CDH18: variants seen among roughly 807,000 people sequenced by gnomAD.
The protein encoded by CDH18 is cadherin 18.
CDH18 carries 31 observed loss-of-function variants against 67.9 expected under a neutral mutation model. That is an observed-to-expected ratio of 0.46 (90% CI 0.34 to 0.62). CDH18 has a LOEUF of 0.62. Among genes scored for constraint, CDH18 ranks in the 20% least tolerant of loss-of-function variants. The pLI is 0.01. For synonymous variants in CDH18, 362 were observed against 347.2 expected (o/e 1.04, Z -0.48); for missense variants, 890 against 975.5 (o/e 0.91, Z 1.17).
intron 2 of CDH18, among the ~76,000 whole-genome samples, chr5:20,185,515 T>C (rs1006209864): frequency 6.6e-6 from 1 of 152,088 alleles, no homozygotes; most frequent in African/African-American, 2.4e-5. Flanking sequence ...GTTCTTTGAC[T>C]TTATCTTATA....
At chr5:20,185,582 A>C (rs1738032845) in intron 2 of CDH18, among the ~76,000 whole-genome samples, 1 of 151,986 alleles carries the variant, frequency 6.6e-6, no homozygotes, top group Admixed American at 6.6e-5. Context: ...CACATAGCCA[A>C]ATTCTTCTCT....
At chr5:19,843,994 C>T (rs1782638177) in intron 2 of CDH18, among the ~76,000 whole-genome samples, 1 of 152,182 alleles carries the variant, frequency 6.6e-6, no homozygotes, top group Non-Finnish European at 1.5e-5. Context: ...TATCCAATGA[C>T]TCTATCCCCA....
intron 2 of CDH18, among the ~76,000 whole-genome samples, chr5:19,972,224 G>A (rs923622483): frequency 2.0e-5 from 3 of 151,940 alleles, no homozygotes; most frequent in South Asian, 2.1e-4. Flanking sequence ...CTCACAAGTT[G>A]CAAAGCAAAA....
chr5:20,350,147 A>G (rs1741045438), intron 1 of CDH18, among the ~76,000 whole-genome samples: 1 of 152,114 alleles, frequency 6.6e-6, no homozygotes, highest in African/African-American at 2.4e-5. Flanking sequence ...ATTTATTCTA[A>G]TATTTATTCT....
intron 6 of CDH18, among the ~76,000 whole-genome samples, chr5:19,605,384 T>C (rs924744530): frequency 1.3e-5 from 2 of 151,924 alleles, no homozygotes; most frequent in Non-Finnish European, 2.9e-5. Context: ...GATAAAAATA[T>C]TGTGTTTCTA....
chr5:19,864,575 A>G (rs1210048383), intron 2 of CDH18, among the ~76,000 whole-genome samples: 1 of 152,140 alleles, frequency 6.6e-6, no homozygotes, highest in Admixed American at 6.6e-5. Context: ...AACACTCATA[A>G]GACTTTTCAC....
chr5:19,779,577 G>T (rs1010514586), intron 3 of CDH18, among the ~76,000 whole-genome samples: 5 of 152,072 alleles, frequency 3.3e-5, no homozygotes, highest in African/African-American at 1.2e-4. Context: ...CCAGCCAAGA[G>T]GGAGAAAAAG....
At chr5:19,883,163 A>G (rs930851161) in intron 2 of CDH18, among the ~76,000 whole-genome samples, 1 of 152,130 alleles carries the variant, frequency 6.6e-6, no homozygotes, top group African/African-American at 2.4e-5. Context: ...ATCTGTGGGC[A>G]TTGGCTGAAA....
intron 3 of CDH18, among the ~76,000 whole-genome samples, chr5:19,809,766 GT>G (rs1266797930): frequency 6.6e-6 from 1 of 152,132 alleles, no homozygotes; most frequent in Non-Finnish European, 1.5e-5. Context: ...GTTGACAGCA[GT>G]TAAAAAGATA....
intron 2 of CDH18, among the ~76,000 whole-genome samples, chr5:20,109,432 C>A (rs1463297906): frequency 3.3e-5 from 5 of 152,180 alleles, no homozygotes; most frequent in Non-Finnish European, 7.3e-5. Flanking sequence ...TAAAAATGAT[C>A]TGAGTTGATA....
At chr5:19,867,486 T>G (rs927917940) in intron 2 of CDH18, among the ~76,000 whole-genome samples, 2 of 152,316 alleles carry the variant, frequency 1.3e-5, no homozygotes, top group Admixed American at 1.3e-4. Flanking sequence ...TCAGAAAAAG[T>G]GGCATTTGCT....
At chr5:20,473,586 A>G (rs997027607) in intron 1 of CDH18, among the ~76,000 whole-genome samples, 13 of 152,056 alleles carry the variant, frequency 8.5e-5, no homozygotes, top group Non-Finnish European at 1.5e-5. Context: ...TTTCACTTGA[A>G]TTTCTTATTT....
At chr5:19,852,950 A>C (rs1783880631) in intron 2 of CDH18, among the ~76,000 whole-genome samples, 1 of 152,064 alleles carries the variant, frequency 6.6e-6, no homozygotes, top group African/African-American at 2.4e-5. Context: ...TGTGTACATC[A>C]GCATTACTTC....
chr5:19,632,539 G>T (rs1015785711), intron 5 of CDH18, among the ~76,000 whole-genome samples: 2 of 152,088 alleles, frequency 1.3e-5, no homozygotes, highest in South Asian at 2.1e-4. Context: ...CAAACACAGG[G>T]CTATCTCTTT....
intron 2 of CDH18, among the ~76,000 whole-genome samples, chr5:20,220,786 T>A (rs565878816): frequency 6.6e-6 from 1 of 151,760 alleles, no homozygotes; most frequent in East Asian, 1.9e-4. Flanking sequence ...GGAAAAAAAA[T>A]AATAATCCAA....
intron 2 of CDH18, among the ~76,000 whole-genome samples, chr5:20,123,339 G>A (rs1288399720): frequency 6.6e-6 from 1 of 152,144 alleles, no homozygotes; most frequent in Non-Finnish European, 1.5e-5. Flanking sequence ...GAGAACGCTG[G>A]AGGCTGTGTT....
At chr5:20,423,492 CA>C (rs1748023244) in intron 1 of CDH18, among the ~76,000 whole-genome samples, 2 of 150,602 alleles carry the variant, frequency 1.3e-5, no homozygotes, top group Non-Finnish European at 2.9e-5. Flanking sequence ...AGTCAATAAC[CA>C]AAATAAAGAA....
intron 9 of CDH18, among the ~76,000 whole-genome samples, chr5:19,539,192 T>C (rs1039652382): frequency 1.9e-4 from 29 of 152,194 alleles, no homozygotes; most frequent in Non-Finnish European, 7.3e-5. Context: ...AATTATATTT[T>C]AGTAATGCTC....
chr5:20,139,620 AG>A (rs1365975312), intron 2 of CDH18, among the ~76,000 whole-genome samples: 1 of 152,216 alleles, frequency 6.6e-6, no homozygotes, highest in Non-Finnish European at 1.5e-5. Flanking sequence ...CAAATTTACA[AG>A]AAAAAATCAA....
Sources: gnomAD v4.1 joint callset for allele counts (sites outside exome capture counted in the v4.1 genomes callset) on GRCh38, gnomAD v4.1.1 for gene constraint, MANE v1.5 for transcripts, NCBI Gene and HGNC (gene_info 2026-07-23, HGNC 2026-07-21) for gene names.